The following IHO1 variants were observed in gnomAD, a reference collection of about 807,000 sequenced individuals.
IHO1 encodes interactor of HORMAD1 1, also known as interactor of HORMAD1 protein 1.
Under a neutral mutation model 31.0 loss-of-function variants are expected in IHO1, and 13 were observed. The observed-to-expected ratio is 0.42, with a 90% confidence interval of 0.27 to 0.67. The LOEUF is 0.67. IHO1 is among the 30% of genes least tolerant of loss of function. The pLI, the probability that IHO1 is intolerant of heterozygous loss-of-function variation, is 0.24. For synonymous variants in IHO1, 221 were observed against 248.4 expected (o/e 0.89, Z 1.04); for missense variants, 599 against 687.5 (o/e 0.87, Z 1.44).
intron 1 of IHO1, among the ~76,000 whole-genome samples, chr3:49,211,041 T>G (rs2046206298): frequency 7.2e-6 from 1 of 138,104 alleles, no homozygotes; most frequent in African/African-American, 2.8e-5. Context: ...GGGGTCTCGC[T>G]CTGTCGCCCA....
chr3:49,244,528 T>C, intron 5 of IHO1, 76 bp downstream of exon 5: 1 of 1,280,674 alleles, frequency 7.8e-7, no homozygotes, highest in Non-Finnish European at 1.1e-6. Context: ...GTATTGGCTT[T>C]AGTTAATGTA....
intron 6 of IHO1, among the ~76,000 whole-genome samples, chr3:49,248,277 C>G (rs936892958): frequency 6.6e-6 from 1 of 151,592 alleles, no homozygotes; most frequent in Non-Finnish European, 1.5e-5. Flanking sequence ...AAAAAATTAG[C>G]TGGGCGTGGT....
intron 1 of IHO1, among the ~76,000 whole-genome samples, chr3:49,206,223 C>T (rs1426437712): frequency 1.3e-5 from 2 of 152,026 alleles, no homozygotes; most frequent in Non-Finnish European, 2.9e-5. Context: ...CTCGGCCTCC[C>T]AAAGTGCTGG....
At chr3:49,255,847 C>T (rs767677229) in intron 7 of IHO1, among the ~76,000 whole-genome samples, 4 of 151,968 alleles carry the variant, frequency 2.6e-5, no homozygotes, top group Admixed American at 6.6e-5. Context: ...TCACTGCGCC[C>T]GGCCGAGAAA....
At chr3:49,217,508 G>A (rs948464728) in intron 2 of IHO1, among the ~76,000 whole-genome samples, 1 of 148,812 alleles carries the variant, frequency 6.7e-6, no homozygotes, top group Non-Finnish European at 1.5e-5. Context: ...TGGGGGGCTG[G>A]GGGAGGGATA....
Position 49,257,103 on chromosome 3 carries a change from C to T in IHO1, c.1606C>T (p.Leu536Phe). Reference sequence around the variant, plus strand: ...GGCAGTGCAGGGAAGACTCTTGCAGCTCAGCAGGTGCTCTTCCCAAGACAA... The same window carrying T: ...GGCAGTGCAGGGAAGACTCTTGCAGTTCAGCAGGTGCTCTTCCCAAGACAA... ...VRAVQGRLLQ[L>F]SRCSSQDNWL... The change falls in exon 8 of 8, where the codon CTC (leucine) becomes TTC (phenylalanine). Residue 536 changes from leucine to phenylalanine, a missense_variant. Transcript: ENST00000452691. The T allele has an allele frequency of 1.2e-6, 2 of 1,614,180 alleles. No individual in the cohort carries two copies. Among genetic ancestry groups the T allele is most frequent in the Non-Finnish European group, 1.7e-6 (2 of 1,180,034 alleles).
rs2107719301 is a variant in IHO1, at chr3:49,236,569, G to C, written c.78G>C (p.Trp26Cys). The C allele has an allele frequency of 6.2e-7, 1 of 1,610,386 alleles. No homozygotes were observed. Among genetic ancestry groups the C allele is most frequent in the East Asian group, 2.2e-5 (1 of 44,852 alleles). ...TCAGGAACAAGAAGTCATCCAACTG[G>C]AATAATAATCAAAATGATTATTCCA... ...SGSGNKKSSN[W>C]NNNQNDYSSL... The change falls in exon 3 of 8, where the codon TGG (tryptophan) becomes TGC (cysteine). Residue 26 changes from tryptophan to cysteine, a missense_variant. By Grantham distance (215) the Trp-to-Cys change is radical. Transcript: ENST00000452691.
At chr3:49,194,294 A>G (rs1484887858), upstream of IHO1, among the ~76,000 whole-genome samples, 6 of 24,286 alleles carry the variant, frequency 2.5e-4, no homozygotes, top group East Asian at 0.034. Context: ...TACAAAGTGT[A>G]TATATATATA....
At chr3:49,191,499 C>G in the IHO1 span, among the ~76,000 whole-genome samples, 3 of 152,128 alleles carry the variant, frequency 2.0e-5, no homozygotes, top group African/African-American at 7.2e-5. Flanking sequence ...AATGGGGTGG[C>G]TAGAGGACTA....
intron 1 of IHO1, among the ~76,000 whole-genome samples, chr3:49,202,013 C>T (rs1175130675): frequency 6.6e-6 from 1 of 152,136 alleles, no homozygotes; most frequent in African/African-American, 2.4e-5. Flanking sequence ...GTTTTTAACT[C>T]ATTAAACAAG....
At chr3:49,210,297 C>T (rs1246698363) in intron 1 of IHO1, among the ~76,000 whole-genome samples, 2 of 151,610 alleles carry the variant, frequency 1.3e-5, no homozygotes, top group African/African-American at 4.9e-5. Context: ...AGTATAGTGG[C>T]ACAATCTTAG....
intron 1 of IHO1, among the ~76,000 whole-genome samples, chr3:49,205,972 T>C (rs1393446863): frequency 6.6e-6 from 1 of 151,394 alleles, no homozygotes; most frequent in Non-Finnish European, 1.5e-5. Flanking sequence ...TCTTTCTTTT[T>C]TTTCTTTTTG....
intron 2 of IHO1, among the ~76,000 whole-genome samples, chr3:49,215,254 T>C (rs1483344885): frequency 1.3e-5 from 2 of 152,066 alleles, no homozygotes; most frequent in East Asian, 3.9e-4. Flanking sequence ...TTCGCTATGT[T>C]GGCCAGGCTG....
chr3:49,255,656 TCTCC>T (rs768741134), intron 7 of IHO1, among the ~76,000 whole-genome samples, 163 bp downstream of exon 7: 2 of 150,780 alleles, frequency 1.3e-5, no homozygotes, highest in Non-Finnish European at 2.9e-5. Flanking sequence ...TTCAAGCAAT[TCTCC>T]TGCCTCAGCC....
In IHO1 at chr3:49,257,230, A is replaced by T; in HGVS notation, c.1733A>T (p.Lys578Met). 1 of 1,614,184 alleles carries T rather than the reference A, an allele frequency of 6.2e-7. No individual in the cohort carries two copies. Among genetic ancestry groups the T allele is most frequent in the Non-Finnish European group, 8.5e-7 (1 of 1,180,014 alleles). Residue 578 changes from lysine to methionine, a missense_variant, in exon 8 of 8, where the codon AAG becomes ATG. Coordinates refer to ENST00000452691, the MANE Select transcript of IHO1 (RefSeq NM_001135197.2). ...SETPLCKEAG[K>M]NLLYDLGFDS... ...ACCCCTCTATGCAAGGAGGCAGGAA[A>T]GAATTTGCTCTATGACCTGGGTTTT...
intron 3 of IHO1, among the ~76,000 whole-genome samples, chr3:49,238,387 C>A (rs2046586167): frequency 6.6e-6 from 1 of 152,002 alleles, no homozygotes; most frequent in Non-Finnish European, 1.5e-5. Context: ...ACCAGAGAGA[C>A]CAAATGGATA....
At chr3:49,229,343 G>C (rs1332874329) in intron 2 of IHO1, among the ~76,000 whole-genome samples, 1 of 152,228 alleles carries the variant, frequency 6.6e-6, no homozygotes. Context: ...TGCCAGCGGT[G>C]ATGATAGGAT....
In IHO1 at chr3:49,210,029, CT is replaced by C. The variant is rs966102422; in HGVS notation, c.-15-1722del. Among the ~76,000 whole-genome samples the C allele has an allele frequency of 6.3e-3, 863 of 136,376 alleles. 2 individuals are homozygous for C. The highest frequency in any genetic ancestry group is 8.2e-3 in the African/African-American group (303 of 36,924). 89.5% of individuals were successfully genotyped at this position (136,376 alleles called of 152,430 possible). On this transcript the variant is annotated intron_variant, in intron 1 of 7. Coordinates refer to ENST00000452691, the MANE Select transcript of IHO1 (RefSeq NM_001135197.2). ...CCGCACCCAGCCTCTTTCTTTCTTT[CT>C]TTTTTTTTTTTTTTAAGAGACAGGG...
At chr3:49,194,292 GTATATA>G (rs141683116), upstream of IHO1, among the ~76,000 whole-genome samples, 482 of 120,164 alleles carry the variant, frequency 4.0e-3, 5 homozygotes, top group African/African-American at 0.015. Flanking sequence ...AGTACAAAGT[GTATATA>G]TATATATATA....
Sources: gnomAD v4.1 joint callset for allele counts (sites outside exome capture counted in the v4.1 genomes callset) on GRCh38, gnomAD v4.1.1 for gene constraint, MANE v1.5 for transcripts, NCBI Gene and HGNC (gene_info 2026-07-23, HGNC 2026-07-21) for gene names.